The following LINGO2 variants were observed in gnomAD, a reference collection of about 807,000 sequenced individuals.
LINGO2 encodes the protein leucine rich repeat and Ig domain containing 2.
LINGO2 carries 14 observed loss-of-function variants against 30.6 expected under a neutral mutation model. That is an observed-to-expected ratio of 0.46 (90% CI 0.30 to 0.72). The LOEUF (loss-of-function observed/expected upper bound fraction) is 0.72, where lower values mean the gene tolerates loss of function less well. Ranked by LOEUF, LINGO2 falls within the 30% of genes least tolerant of loss-of-function variation. The pLI is 0.07. For missense variants in LINGO2, 729 were observed against 751.7 expected (o/e 0.97, Z 0.35); for synonymous variants, 317 against 288.5 (o/e 1.10, Z -1.00).
At chr9:28,660,338 CA>C (rs1828541187) in intron 1 of LINGO2, among the ~76,000 whole-genome samples, 1 of 151,350 alleles carries the variant, frequency 6.6e-6, no homozygotes, top group Non-Finnish European at 1.5e-5. Context: ...AAGAAATACA[CA>C]AAGATAAAAG....
chr9:28,226,641 AGG>A (rs1491245366), intron 4 of LINGO2, among the ~76,000 whole-genome samples: 2 of 52,358 alleles, frequency 3.8e-5, no homozygotes, highest in African/African-American at 6.0e-5. Context: ...GAAGGAAAGA[AGG>A]AAAGAAAGAA....
At chr9:28,303,977 G>A (rs1053492166) in intron 3 of LINGO2, among the ~76,000 whole-genome samples, 13 of 151,984 alleles carry the variant, frequency 8.6e-5, no homozygotes, top group African/African-American at 1.9e-4. Context: ...GTGTGTATGT[G>A]TACATATATA....
At chr9:28,389,013 A>G (rs1186788141) in intron 2 of LINGO2, among the ~76,000 whole-genome samples, 1 of 151,980 alleles carries the variant, frequency 6.6e-6, no homozygotes, top group African/African-American at 2.4e-5. Flanking sequence ...TTCTTCACTC[A>G]TTGTCAAGGC....
chr9:28,828,377 G>A, the LINGO2 span, among the ~76,000 whole-genome samples: 1 of 151,998 alleles, frequency 6.6e-6, no homozygotes, highest in Admixed American at 6.6e-5. Flanking sequence ...ATTCATATAT[G>A]ATCTAGCAAT....
chr9:28,971,644 T>C, the LINGO2 span, among the ~76,000 whole-genome samples: 3 of 152,202 alleles, frequency 2.0e-5, no homozygotes, highest in Non-Finnish European at 4.4e-5. Flanking sequence ...GAACACCAGG[T>C]AGACTTCTAA....
At chr9:28,246,249 C>T (rs1821994548) in intron 4 of LINGO2, among the ~76,000 whole-genome samples, 2 of 152,130 alleles carry the variant, frequency 1.3e-5, no homozygotes, top group East Asian at 1.9e-4. Context: ...CATGGTGAAA[C>T]CCCATCTCTA....
chr9:28,024,752 C>A (rs1025113784), intron 4 of LINGO2, among the ~76,000 whole-genome samples: 3 of 152,174 alleles, frequency 2.0e-5, no homozygotes, highest in Admixed American at 2.0e-4. Context: ...TGGGGAGCCA[C>A]ATGGTGAATG....
intron 1 of LINGO2, among the ~76,000 whole-genome samples, chr9:28,665,957 A>T (rs1360662348): frequency 6.9e-6 from 1 of 145,602 alleles, no homozygotes; most frequent in Non-Finnish European, 1.5e-5. Flanking sequence ...CAATGGCGCG[A>T]TCTCGGCTCA....
chr9:28,646,608 G>A lies in LINGO2; in HGVS notation c.-365+23592C>T, dbSNP rs1827852344. Among the ~76,000 whole-genome samples the A allele has an allele frequency of 2.0e-5, 3 of 151,610 alleles. No homozygotes were observed. In the South Asian group the frequency reaches 6.3e-4, roughly 32 times the overall value. On this transcript the variant is annotated intron_variant, in intron 1 of 5. Coordinates refer to ENST00000379992, the Ensembl canonical transcript of LINGO2. ...AGAAAGATTGATCCATATGATCTGG[G>A]GAAACACTCTTTTTTCAAGCATCCA...
rs1824062991 is a variant in LINGO2, at chr9:28,038,734, T to C, written c.-86-26329A>G. 2.6e-5 allele frequency among the ~76,000 whole-genome samples: 4 copies of C among 151,020 alleles called. No individual in the cohort carries two copies. In the South Asian group the frequency reaches 6.3e-4, roughly 24 times the overall value. ...GCCTTGCTTATAAAATTATAACATA[T>C]GTAGTAGACCCAAGCAGTGTTGAAA... On this transcript the variant is annotated intron_variant, in intron 4 of 5. Coordinates refer to ENST00000379992, the Ensembl canonical transcript of LINGO2.
At chr9:29,150,899 G>C in the LINGO2 span, among the ~76,000 whole-genome samples, 6 of 152,054 alleles carry the variant, frequency 3.9e-5, no homozygotes, top group Non-Finnish European at 5.9e-5. Flanking sequence ...AGTAAATTCT[G>C]AGAATCCCTG....
At position 28,077,749 on chromosome 9, in the gene LINGO2, A is replaced by G. The variant is rs942272569; in HGVS notation, c.-86-65344T>C. ...TCCAATGTTATCTAGAGATTTTTCAATGGTTTTACTTTATTATTTGATATG... is the reference window on the plus strand; with the variant it reads ...TCCAATGTTATCTAGAGATTTTTCAGTGGTTTTACTTTATTATTTGATATG... On this transcript the variant is annotated intron_variant, in intron 4 of 5. Coordinates refer to ENST00000379992, the Ensembl canonical transcript of LINGO2. Among the ~76,000 whole-genome samples the G allele has an allele frequency of 1.7e-4, 25 of 148,654 alleles. 3 individuals are homozygous for G. Among genetic ancestry groups the G allele is most frequent in the African/African-American group, 6.6e-4 (25 of 38,106 alleles).
intron 3 of LINGO2, among the ~76,000 whole-genome samples, chr9:28,349,029 T>TA (rs1379276959): frequency 6.7e-6 from 1 of 150,002 alleles, no homozygotes; most frequent in Non-Finnish European, 1.5e-5. Flanking sequence ...CAAAAGTAGA[T>TA]AAAACCACAA....
the LINGO2 span, among the ~76,000 whole-genome samples, chr9:28,734,809 C>A: frequency 6.6e-6 from 1 of 152,156 alleles, no homozygotes; most frequent in Non-Finnish European, 1.5e-5. Context: ...CACTCGGCAT[C>A]TCCACCAGCG....
At chr9:28,808,990 T>A in the LINGO2 span, among the ~76,000 whole-genome samples, 1 of 152,226 alleles carries the variant, frequency 6.6e-6, no homozygotes, top group Non-Finnish European at 1.5e-5. Context: ...CAGATTTTTA[T>A]GCACTTATGT....
At chr9:28,034,746 T>TA (rs1491134953) in intron 4 of LINGO2, among the ~76,000 whole-genome samples, 10 of 152,248 alleles carry the variant, frequency 6.6e-5, no homozygotes, top group African/African-American at 2.4e-4. Context: ...AATTGCTACT[T>TA]ATTTTTATAA....
At chr9:28,020,332 C>T (rs1823049934) in intron 4 of LINGO2, among the ~76,000 whole-genome samples, 1 of 152,070 alleles carries the variant, frequency 6.6e-6, no homozygotes, top group South Asian at 2.1e-4. Context: ...AGTTTGTGAC[C>T]AGCCTAACCA....
chr9:28,131,999 T>G (rs763272023), intron 4 of LINGO2, among the ~76,000 whole-genome samples: 1 of 152,208 alleles, frequency 6.6e-6, no homozygotes, highest in Admixed American at 6.5e-5. Context: ...TCTACCACTC[T>G]CCAGCTATGC....
At chr9:28,910,300 G>A in the LINGO2 span, among the ~76,000 whole-genome samples, 2 of 151,348 alleles carry the variant, frequency 1.3e-5, no homozygotes, top group East Asian at 3.9e-4. Flanking sequence ...ACATATAAAT[G>A]CTCACCAATT....
Sources: gnomAD v4.1 joint callset for allele counts (sites outside exome capture counted in the v4.1 genomes callset) on GRCh38, gnomAD v4.1.1 for gene constraint, MANE v1.5 for transcripts, NCBI Gene and HGNC (gene_info 2026-07-23, HGNC 2026-07-21) for gene names.